The following PRKCA variants were observed in gnomAD, a reference collection of about 807,000 sequenced individuals.
The protein encoded by PRKCA is protein kinase C alpha type.
PRKCA carries 27 observed loss-of-function variants against 87.0 expected under a neutral mutation model. The ratio of observed to expected loss-of-function variants is 0.31; its 90% CI spans 0.23 to 0.43. The LOEUF (loss-of-function observed/expected upper bound fraction) is 0.43. PRKCA is among the 20% of genes least tolerant of loss of function. The pLI is 1.00. For missense variants in PRKCA, 518 were observed against 852.3 expected, an observed-to-expected ratio of 0.61 and a Z score of 4.88; for synonymous variants, 329 against 311.1, an observed-to-expected ratio of 1.06 and a Z score of -0.61.
intron 3 of PRKCA, among the ~76,000 whole-genome samples, chr17:66,522,160 A>G (rs1365098883): frequency 2.0e-5 from 3 of 152,156 alleles, no homozygotes; most frequent in Non-Finnish European, 4.4e-5. Context: ...CGGGTCCTGC[A>G]GGTGGATGTG....
Position 66,332,229 on chromosome 17 carries a change from C to CT in PRKCA, c.205+26119dup, listed in dbSNP as rs59302970. On this transcript the variant is annotated intron_variant, in intron 2 of 16. Transcript: ENST00000413366. ...TTCTTCCTTCCTTCCTTCCTTCCTT[C>CT]TTTTTTTTTTTTTTTTTAAACAGAG... Among the ~76,000 whole-genome samples the CT allele has an allele frequency of 8.1e-3, 1,047 of 129,900 alleles. 13 individuals are homozygous for CT. Among genetic ancestry groups the CT allele is most frequent in the African/African-American group, 0.022 (723 of 32,476 alleles). The allele number at this position is 129,900 out of a possible 152,430, so 85.2% of individuals were successfully genotyped here.
At chr17:66,371,262 G>A (rs1763833294) in intron 2 of PRKCA, among the ~76,000 whole-genome samples, 1 of 152,196 alleles carries the variant, frequency 6.6e-6, no homozygotes, top group Non-Finnish European at 1.5e-5. Context: ...CTACCCTGGA[G>A]TCACTGATCA....
intron 2 of PRKCA, among the ~76,000 whole-genome samples, chr17:66,339,433 A>G (rs1270188857): frequency 6.6e-6 from 1 of 152,086 alleles, no homozygotes; most frequent in Non-Finnish European, 1.5e-5. Context: ...CAACACAAAT[A>G]ATGTTTAATT....
intron 2 of PRKCA, among the ~76,000 whole-genome samples, chr17:66,342,441 A>AAAT (rs199510095): frequency 0.058 from 8,306 of 142,824 alleles, 248 homozygotes; most frequent in Non-Finnish European, 0.071. Flanking sequence ...AAAATAAAAT[A>AAAT]AATAATAATA....
At chr17:66,545,257 C>T (rs56087544) in intron 3 of PRKCA, among the ~76,000 whole-genome samples, 9,224 of 152,092 alleles carry the variant, frequency 0.061, 329 homozygotes, top group Non-Finnish European at 0.085. Context: ...TGAAACCCCG[C>T]CTCTACTAAA....
chr17:66,350,803 A>G (rs1907695926), intron 2 of PRKCA, among the ~76,000 whole-genome samples: 1 of 152,034 alleles, frequency 6.6e-6, no homozygotes, highest in Non-Finnish European at 1.5e-5. Flanking sequence ...GGGATTACAG[A>G]CGTGAGGCAC....
chr17:66,469,125 T>G (rs2144005659), intron 2 of PRKCA, among the ~76,000 whole-genome samples: 1 of 152,300 alleles, frequency 6.6e-6, no homozygotes, highest in Admixed American at 6.5e-5. Flanking sequence ...TCCTTCCTCT[T>G]TCTGTCCACA....
At chr17:66,579,968 G>A (rs1340757739) in intron 3 of PRKCA, among the ~76,000 whole-genome samples, 1 of 151,984 alleles carries the variant, frequency 6.6e-6, no homozygotes, top group East Asian at 1.9e-4. Context: ...CTCTCTCCTC[G>A]GCTCACTCTC....
intron 3 of PRKCA, among the ~76,000 whole-genome samples, chr17:66,570,617 G>A (rs1377144091): frequency 6.6e-6 from 1 of 152,202 alleles, no homozygotes; most frequent in Non-Finnish European, 1.5e-5. Context: ...TTCTTAGGGT[G>A]TGAAAGACTC....
intron 5 of PRKCA, among the ~76,000 whole-genome samples, chr17:66,682,150 C>T (rs1004211996): frequency 1.3e-5 from 2 of 152,204 alleles, no homozygotes; most frequent in African/African-American, 4.8e-5. Context: ...TCCCGAGCCA[C>T]CTGCATCGGG....
intron 3 of PRKCA, among the ~76,000 whole-genome samples, chr17:66,585,684 G>A (rs768753836): frequency 5.3e-4 from 81 of 152,182 alleles, no homozygotes; most frequent in African/African-American, 1.8e-3. Flanking sequence ...GGGGAGCCGC[G>A]GAGCAGGGAG....
chr17:66,792,615 A>G lies in PRKCA; in HGVS notation c.1854+3636A>G, dbSNP rs1201413977. Among the ~76,000 whole-genome samples, 1 of 152,268 alleles carries G rather than the reference A, an allele frequency of 6.6e-6. No individual in the cohort carries two copies. The highest frequency in any genetic ancestry group is 1.5e-5 in the Non-Finnish European group (1 of 68,048). On this transcript the variant is annotated intron_variant, in intron 16 of 16. Transcript: ENST00000413366. This position sits in a 1 kb window ranked among gnomAD's most constrained non-coding sequence, Gnocchi z 4.5. Reference sequence around the variant, plus strand: ...AAAGCATCTCACAATGCCGTGATCCATCAGGAGGTTAGCACGGGACTTTCC... The same window carrying G: ...AAAGCATCTCACAATGCCGTGATCCGTCAGGAGGTTAGCACGGGACTTTCC...
chr17:66,802,118 G>A (rs1456414040), intron 16 of PRKCA, among the ~76,000 whole-genome samples: 10 of 152,164 alleles, frequency 6.6e-5, no homozygotes, highest in African/African-American at 2.4e-4. Context: ...CTACTCAGGA[G>A]GCTGAGGTGG....
intron 3 of PRKCA, among the ~76,000 whole-genome samples, chr17:66,559,023 C>T (rs1514656): frequency 1.3e-5 from 2 of 151,536 alleles, no homozygotes; most frequent in Admixed American, 1.3e-4. Context: ...CCCATGCATT[C>T]GAACAGGCTG....
chr17:66,510,368 G>A (rs1242812981), intron 3 of PRKCA, among the ~76,000 whole-genome samples: 1 of 152,184 alleles, frequency 6.6e-6, no homozygotes, highest in Non-Finnish European at 1.5e-5. Flanking sequence ...AACTGTGCCT[G>A]CTGTGTGACC....
intron 2 of PRKCA, among the ~76,000 whole-genome samples, chr17:66,356,774 G>T (rs1034113634): frequency 1.3e-4 from 20 of 152,094 alleles, no homozygotes; most frequent in African/African-American, 4.8e-4. Flanking sequence ...AAAAAATAGG[G>T]TCTTACTCCA....
At chr17:66,483,694 C>G (rs893422191) in intron 2 of PRKCA, among the ~76,000 whole-genome samples, 1 of 151,998 alleles carries the variant, frequency 6.6e-6, no homozygotes, top group Non-Finnish European at 1.5e-5. Context: ...ATCTCCTGAC[C>G]TCGTGATCCA....
intron 3 of PRKCA, among the ~76,000 whole-genome samples, chr17:66,554,897 A>T (rs1360262732): frequency 1.9e-4 from 18 of 92,562 alleles, no homozygotes; most frequent in Non-Finnish European, 3.1e-4. Flanking sequence ...TTTTTTTTTT[A>T]AAGACAGGGT....
rs1188416956 is a variant in PRKCA at position 66,578,387 on chromosome 17, G to C, written c.289-62968G>C. ...AGGGAGCCTGAAGTCCTTGGCGAAG[G>C]ATAAAGTGGAAGGGGAATGCAGCAT... is the stretch of plus-strand genomic sequence containing the variant. On this transcript the variant is annotated intron_variant, in intron 3 of 16. Coordinates refer to ENST00000413366, the MANE Select transcript of PRKCA (RefSeq NM_002737.3). 4.6e-5 allele frequency among the ~76,000 whole-genome samples: 7 copies of C among 152,154 alleles called. No homozygotes were observed. The East Asian group carries it at 1.4e-3, about 29-fold the overall frequency.
Sources: allele counts gnomAD v4.1 joint callset (sites outside exome capture counted in the v4.1 genomes callset), GRCh38; gene constraint gnomAD v4.1.1; non-coding constraint Gnocchi (gnomAD v3.1); transcripts MANE v1.5; gene names NCBI Gene and HGNC (gene_info 2026-07-23, HGNC 2026-07-21).